The following TRABD2A variants were observed in gnomAD, a reference collection of about 807,000 sequenced individuals.
TRABD2A encodes the protein TraB domain containing 2A, also known as metalloprotease TIKI1.
TRABD2A carries 43 observed loss-of-function variants against 45.6 expected under a neutral mutation model. That is an observed-to-expected ratio of 0.94 (90% CI 0.74 to 1.22). The LOEUF (loss-of-function observed/expected upper bound fraction) is 1.22. TRABD2A is among the 50% of genes most tolerant of loss of function. The probability of loss-of-function intolerance (pLI) is 0.00; values close to 1 mark genes in which losing one functional copy is unlikely to be tolerated. For missense variants in TRABD2A, 642 were observed against 652.4 expected (o/e 0.98, Z 0.17); for synonymous variants, 269 against 265.0 (o/e 1.02, Z -0.15).
At chr2:84,873,575 A>G (rs1171255009) in intron 1 of TRABD2A, among the ~76,000 whole-genome samples, 1 of 152,236 alleles carries the variant, frequency 6.6e-6, no homozygotes, top group African/African-American at 2.4e-5. Context: ...GAAACTGTAC[A>G]TCTACCAAGA....
chr2:84,862,718 A>T (rs1307948158), intron 2 of TRABD2A, among the ~76,000 whole-genome samples: 1 of 152,182 alleles, frequency 6.6e-6, no homozygotes, highest in Admixed American at 6.5e-5. Flanking sequence ...TTAGAAACAG[A>T]GTGCATCACC....
intron 1 of TRABD2A, 29 bp downstream of exon 1, chr2:84,880,903 G>T: frequency 6.4e-7 from 1 of 1,565,774 alleles, no homozygotes; most frequent in South Asian, 1.2e-5. Context: ...CAGAGAGGCC[G>T]GCTCTCCAGC....
Position 84,841,920 on chromosome 2 carries a change from T to C in TRABD2A, c.757A>G (p.Ile253Val). Reference sequence around the variant, plus strand: ...AGGTCCCCGCAGTTATAGTGTTTGATGAGATCCTCCGTCGTGTAGGGGATC... The same window carrying C: ...AGGTCCCCGCAGTTATAGTGTTTGACGAGATCCTCCGTCGTGTAGGGGATC... ...LQIPYTTEDLIKHYNCGDLSS... is the reference protein window; with the variant it reads ...LQIPYTTEDLVKHYNCGDLSS... Residue 253 changes from isoleucine (I) to valine (V), a missense_variant, in exon 3 of 7, where the codon ATC becomes GTC. By Grantham distance (29) the Ile-to-Val change is conservative. Coordinates refer to ENST00000409520, the MANE Select transcript of TRABD2A (RefSeq NM_001277053.2). The C allele has an allele frequency of 6.5e-7, 1 of 1,548,956 alleles. No individual in the cohort carries two copies. The highest frequency in any genetic ancestry group is 8.7e-7 in the Non-Finnish European group (1 of 1,146,480).
At chr2:84,873,142 C>A (rs971858808) in intron 1 of TRABD2A, among the ~76,000 whole-genome samples, 1 of 146,702 alleles carries the variant, frequency 6.8e-6, no homozygotes, top group African/African-American at 2.6e-5. Flanking sequence ...AAATTTAGGC[C>A]GAGCGCAGTT....
chr2:84,846,568 T>C (rs1681904024), intron 2 of TRABD2A, among the ~76,000 whole-genome samples: 1 of 152,120 alleles, frequency 6.6e-6, no homozygotes, highest in African/African-American at 2.4e-5. Context: ...CCAAACACAG[T>C]GGTCGCTGTA....
At chr2:84,835,753 G>A (rs1681485003) in intron 4 of TRABD2A, among the ~76,000 whole-genome samples, 2 of 151,066 alleles carry the variant, frequency 1.3e-5, no homozygotes. Flanking sequence ...TGGCAGGAGG[G>A]GCTAATGCTA....
At chr2:84,858,276 C>A (rs1682381036) in intron 2 of TRABD2A, among the ~76,000 whole-genome samples, 1 of 151,188 alleles carries the variant, frequency 6.6e-6, no homozygotes, top group Admixed American at 6.6e-5. Flanking sequence ...CCAACATCGT[C>A]TCCCACCAGA....
In TRABD2A at chr2:84,841,997, GC is replaced by G. The variant is rs1369366995; in HGVS notation, c.679del (p.Ala227LeufsTer2). ...CTGCTGCAGGAGGGTCTGGTTCAAA[GC>G]AAAGATGACCTAAAAGAAAGGTCTC... ...NGLNFSQVIF[A>X]LNQTLLQQES... On this transcript the variant is annotated frameshift_variant, in exon 3 of 7. Coordinates refer to ENST00000409520, the MANE Select transcript of TRABD2A (RefSeq NM_001277053.2). LOFTEE classifies it high-confidence loss of function. 2.8e-5 allele frequency: 42 copies of G among 1,509,526 alleles called. No individual in the cohort carries two copies. The highest frequency in any genetic ancestry group is 3.5e-5 in the Non-Finnish European group (39 of 1,129,628). 93.5% of individuals were successfully genotyped at this position (1,509,526 alleles called of 1,614,324 possible).
intron 2 of TRABD2A, among the ~76,000 whole-genome samples, chr2:84,850,318 T>C (rs144535566): frequency 6.6e-6 from 1 of 152,266 alleles, no homozygotes; most frequent in East Asian, 1.9e-4. Flanking sequence ...TTTACAATTA[T>C]AATAATCATC....
chr2:84,831,164 T>C (rs1339132142), intron 5 of TRABD2A, among the ~76,000 whole-genome samples: 1 of 151,460 alleles, frequency 6.6e-6, no homozygotes, highest in East Asian at 1.9e-4. Flanking sequence ...GTGTCCTTAG[T>C]AGAAGAGAGG....
chr2:84,850,499 T>C (rs1231586184), intron 2 of TRABD2A, among the ~76,000 whole-genome samples: 2 of 151,898 alleles, frequency 1.3e-5, no homozygotes, highest in Non-Finnish European at 2.9e-5. Context: ...CAGCAACCAG[T>C]CACAGAGGGC....
At chr2:84,866,608 T>G (rs1443712594) in intron 2 of TRABD2A, among the ~76,000 whole-genome samples, 1 of 152,132 alleles carries the variant, frequency 6.6e-6, no homozygotes, top group Non-Finnish European at 1.5e-5. Flanking sequence ...CAGTGAGGAC[T>G]GTCTCATGGT....
At chr2:84,826,541 G>C (rs1056615482) in intron 5 of TRABD2A, among the ~76,000 whole-genome samples, 1 of 152,124 alleles carries the variant, frequency 6.6e-6, no homozygotes, top group Non-Finnish European at 1.5e-5. Flanking sequence ...CTTTTGTTTT[G>C]TTTTGTTTTG....
At chr2:84,861,304 T>C (rs1376183561) in intron 2 of TRABD2A, among the ~76,000 whole-genome samples, 1 of 152,102 alleles carries the variant, frequency 6.6e-6, no homozygotes, top group Non-Finnish European at 1.5e-5. Flanking sequence ...TCTACAACTC[T>C]CCATAGAGTA....
chr2:84,858,134 C>T (rs1031814209), intron 2 of TRABD2A, among the ~76,000 whole-genome samples: 25 of 152,244 alleles, frequency 1.6e-4, no homozygotes, highest in African/African-American at 6.0e-4. Context: ...CTGCCTCAGC[C>T]TCCCAAAATG....
At chr2:84,842,600 G>A (rs1681749184) in intron 2 of TRABD2A, among the ~76,000 whole-genome samples, 2 of 152,000 alleles carry the variant, frequency 1.3e-5, no homozygotes, top group South Asian at 4.2e-4. Context: ...ATGGTGGCAT[G>A]TGCCTCTAGT....
chr2:84,835,585 T>G (rs1214744383), intron 4 of TRABD2A: 1 of 152,166 alleles, frequency 6.6e-6, no homozygotes, highest in Admixed American at 6.5e-5. Context: ...AGCTAAATTT[T>G]TATTTAATTT....
At chr2:84,832,358 A>G (rs761379434) in intron 4 of TRABD2A, 50 of 572,794 alleles carry the variant, frequency 8.7e-5, no homozygotes, top group African/African-American at 1.1e-4. Context: ...AGACAATGAC[A>G]CTGAAGATCA....
In TRABD2A at chr2:84,877,091, C is replaced by G. The variant is rs376238134; in HGVS notation, c.108+3841G>C. On this transcript the variant is annotated intron_variant, in intron 1 of 6. Transcript: ENST00000409520. ...GGCACCCGGATTCCCACTGTGTGCACCAATAACCATTCCTGTGGAACACTG... is the reference window on the plus strand; with the variant it reads ...GGCACCCGGATTCCCACTGTGTGCAGCAATAACCATTCCTGTGGAACACTG... 5.3e-5 allele frequency among the ~76,000 whole-genome samples: 8 copies of G among 152,272 alleles called. No homozygotes were observed. In the East Asian group the frequency reaches 1.5e-3, roughly 29 times the overall value.
Sources: gnomAD v4.1 joint callset for allele counts (sites outside exome capture counted in the v4.1 genomes callset) on GRCh38, gnomAD v4.1.1 for gene constraint, MANE v1.5 for transcripts, NCBI Gene and HGNC (gene_info 2026-07-23, HGNC 2026-07-21) for gene names.